AGPS: variants seen among roughly 807,000 people sequenced by gnomAD.
AGPS encodes the protein alkylglycerone phosphate synthase, also known as alkyldihydroxyacetonephosphate synthase, peroxisomal.
In AGPS, 26 loss-of-function variants were observed where a neutral mutation model predicts 90.7. That is an observed-to-expected ratio of 0.29 (90% confidence interval 0.21 to 0.40). AGPS has a LOEUF of 0.40. AGPS is among the 10% of genes least tolerant of loss of function. The probability of loss-of-function intolerance (pLI) is 1.00; values close to 1 mark genes in which losing one functional copy is unlikely to be tolerated. For missense variants in AGPS, 540 were observed against 816.1 expected (o/e 0.66, Z 4.12); for synonymous variants, 294 against 285.3 (o/e 1.03, Z -0.31).
At position 177,542,281 on chromosome 2, in the gene AGPS, A is replaced by AT. The variant is rs1361983830; in HGVS notation, c.*4092dup. On this transcript the variant is annotated 3_prime_UTR_variant, in exon 20 of 20. Coordinates refer to ENST00000264167, the MANE Select transcript of AGPS (RefSeq NM_003659.4). ...AGCTAGGTTTTGTCAATCCCTAATC[A>AT]TTTTTTAAAATCAATGCTGTATTCC... 7.9e-5 allele frequency: 12 copies of AT among 152,084 alleles called. No homozygotes were observed. Among genetic ancestry groups the AT allele is most frequent in the Admixed American group, 7.9e-4 (12 of 15,262 alleles). The allele number at this position is 152,084 out of a possible 1,614,324, so 9.4% of individuals were successfully genotyped here.
chr2:177,447,142 G>A (rs184156633), intron 8 of AGPS, among the ~76,000 whole-genome samples: 1 of 152,212 alleles, frequency 6.6e-6, no homozygotes, highest in Non-Finnish European at 1.5e-5. Context: ...ACCTTTAATA[G>A]GAAGAGATGT....
chr2:177,479,970 C>T (rs1476532495), intron 10 of AGPS, among the ~76,000 whole-genome samples: 2 of 152,128 alleles, frequency 1.3e-5, no homozygotes, highest in African/African-American at 2.4e-5. Context: ...CACCTGAGGT[C>T]GGGAGTTCGA....
intron 12 of AGPS, among the ~76,000 whole-genome samples, chr2:177,496,397 T>C (rs1688414216): frequency 6.6e-6 from 1 of 152,192 alleles, no homozygotes; most frequent in Non-Finnish European, 1.5e-5. Context: ...ATGAATGTTT[T>C]GATGATACGT....
At chr2:177,449,906 C>T (rs1281523488) in intron 8 of AGPS, among the ~76,000 whole-genome samples, 1 of 150,468 alleles carries the variant, frequency 6.6e-6, no homozygotes. Flanking sequence ...GGTGTGATCT[C>T]GGCTCACTGC....
At chr2:177,527,580 C>T (rs970056936) in intron 19 of AGPS, among the ~76,000 whole-genome samples, 5 of 151,692 alleles carry the variant, frequency 3.3e-5, no homozygotes, top group African/African-American at 1.2e-4. Context: ...ATTTTACTTT[C>T]TGGTTGCTTT....
chr2:177,465,418 G>A (rs1335517516), intron 9 of AGPS, among the ~76,000 whole-genome samples: 2 of 152,140 alleles, frequency 1.3e-5, no homozygotes, highest in Admixed American at 6.5e-5. Flanking sequence ...TCTGTCTGGC[G>A]GCACCTTTGC....
At chr2:177,422,047 GT>G in intron 2 of AGPS, among the ~76,000 whole-genome samples, 1 of 152,138 alleles carries the variant, frequency 6.6e-6, no homozygotes, top group Middle Eastern at 3.4e-3. Context: ...AACATCACAG[GT>G]AATTATACCT....
chr2:177,522,646 G>A (rs993012938), intron 18 of AGPS, among the ~76,000 whole-genome samples: 2 of 152,072 alleles, frequency 1.3e-5, no homozygotes, highest in African/African-American at 4.8e-5. Flanking sequence ...GTAGAGACAG[G>A]GTTTCACCAG....
At chr2:177,453,245 A>G (rs1476094011) in intron 8 of AGPS, among the ~76,000 whole-genome samples, 1 of 151,120 alleles carries the variant, frequency 6.6e-6, no homozygotes, top group Non-Finnish European at 1.5e-5. Flanking sequence ...TGTGTATGTA[A>G]TATGCTTTTT....
Position 177,434,397 on chromosome 2 carries a change from G to C in AGPS, c.421G>C (p.Glu141Gln). 1.9e-6 allele frequency: 3 copies of C among 1,612,544 alleles called. No individual in the cohort carries two copies. Among genetic ancestry groups the C allele is most frequent in the Non-Finnish European group, 2.5e-6 (3 of 1,179,110 alleles). ...WIQNTLGVNV[E>Q]HKTTSKASLN... ...CCAAAATACCCTTGGAGTAAATGTG[G>C]AGCATAAAACTACCTCTAAAGTAAG... Residue 141 changes from glutamate (E) to glutamine (Q), a missense_variant, in exon 3 of 20, where the codon GAG becomes CAG. Physicochemically the swap from Glu to Gln is conservative, Grantham distance 29 (BLOSUM62 2). Transcript: ENST00000264167.
At chr2:177,403,076 A>G (rs1307711240) in intron 1 of AGPS, among the ~76,000 whole-genome samples, 1 of 152,188 alleles carries the variant, frequency 6.6e-6, no homozygotes, top group African/African-American at 2.4e-5. Context: ...GAAAAAAGAA[A>G]AAAAGAAACT....
Position 177,437,023 on chromosome 2 carries a change from T to G in AGPS, c.606T>G (p.Phe202Leu), listed in dbSNP as rs140295002. The G allele has an allele frequency of 8.7e-6, 14 of 1,613,704 alleles. No homozygotes were observed. In the African/African-American group the frequency reaches 1.9e-4, roughly 22 times the overall value. ...HEIFLLREGM[F>L]ERIPDIVLWP... is the part of the protein sequence containing the mutation. The stretch of plus-strand genomic sequence containing the variant: ...TATTTTTGCTCAGGGAAGGAATGTT[T>G]GAGCGAATTCCTGATATAGTTTTAT... Residue 202 changes from phenylalanine (F) to leucine (L), a missense_variant, in exon 5 of 20, where the codon TTT becomes TTG. Physicochemically the swap from Phe to Leu is conservative, Grantham distance 22. Coordinates refer to ENST00000264167, the MANE Select transcript of AGPS (RefSeq NM_003659.4).
intron 19 of AGPS, among the ~76,000 whole-genome samples, chr2:177,536,592 T>C (rs1052069981): frequency 6.6e-6 from 1 of 152,152 alleles, no homozygotes; most frequent in Non-Finnish European, 1.5e-5. Flanking sequence ...TAGAAGGTCC[T>C]GGTAGAATAT....
chr2:177,446,149 C>CT (rs61147634), intron 8 of AGPS, among the ~76,000 whole-genome samples: 12 of 147,960 alleles, frequency 8.1e-5, no homozygotes, highest in African/African-American at 1.7e-4. Context: ...GTGACTGTTA[C>CT]TTTTTTTTTT....
At chr2:177,422,761 A>G (rs1388117211) in intron 2 of AGPS, among the ~76,000 whole-genome samples, 1 of 152,258 alleles carries the variant, frequency 6.6e-6, no homozygotes, top group Admixed American at 6.5e-5. Flanking sequence ...TCACAGGATA[A>G]TAAACTGGGT....
intron 6 of AGPS, chr2:177,441,462 G>A (rs1686597951): frequency 6.5e-6 from 1 of 153,814 alleles, no homozygotes; most frequent in Non-Finnish European, 1.4e-5. Context: ...TTCAGCTGAT[G>A]CTTTCTGTTG....
chr2:177,477,375 A>G (rs1260198730), intron 10 of AGPS, among the ~76,000 whole-genome samples: 1 of 152,076 alleles, frequency 6.6e-6, no homozygotes, highest in Non-Finnish European at 1.5e-5. Context: ...CATTACCACT[A>G]TATATAATTG....
At chr2:177,470,710 C>CAAAAAAAAAAAAA (rs369412625) in intron 10 of AGPS, among the ~76,000 whole-genome samples, 1 of 108,666 alleles carries the variant, frequency 9.2e-6, no homozygotes, top group Admixed American at 1.0e-4. Context: ...GACTTTGTCT[C>CAAAAAAAAAAAAA]AAAAAAAAAA....
chr2:177,401,217 C>A (rs1323129853), intron 1 of AGPS, among the ~76,000 whole-genome samples: 1 of 152,280 alleles, frequency 6.6e-6, no homozygotes, highest in East Asian at 1.9e-4. Context: ...AACTCATTAT[C>A]TTCTTTCTCA....
Sources: gnomAD v4.1 joint callset for allele counts (sites outside exome capture counted in the v4.1 genomes callset) on GRCh38, gnomAD v4.1.1 for gene constraint, MANE v1.5 for transcripts, NCBI Gene and HGNC (gene_info 2026-07-23, HGNC 2026-07-21) for gene names.